Variants in ASXL1 observed in about 807,000 individuals in gnomAD.
ASXL1 encodes ASXL transcriptional regulator 1.
Under a neutral mutation model 89.1 loss-of-function variants are expected in ASXL1, and 65 were observed. The observed-to-expected ratio is 0.73, with a 90% CI of 0.60 to 0.90. The LOEUF is 0.90. Ranked by LOEUF, ASXL1 falls within the 40% of genes least tolerant of loss-of-function variation. The probability of loss-of-function intolerance (pLI) is 0.00; values close to 1 mark genes in which losing one functional copy is unlikely to be tolerated. For missense variants in ASXL1, 1,786 were observed against 1,942.9 expected (o/e 0.92, Z 1.52); for synonymous variants, 739 against 746.9 (o/e 0.99, Z 0.17).
In ASXL1 at chr20:32,434,447, A is replaced by C; in HGVS notation, c.1735A>C (p.Ile579Leu). 1 of 1,614,072 alleles carries C rather than the reference A, an allele frequency of 6.2e-7. No homozygotes were observed. Among genetic ancestry groups the C allele is most frequent in the Non-Finnish European group, 8.5e-7 (1 of 1,180,026 alleles). Reference protein sequence around the residue: ...VPPIRIQLSRIKPPWVVKGQP... With the variant: ...VPPIRIQLSRLKPPWVVKGQP... ...TTTTTTGCAGATTCAACTTTCACGTATCAAACCACCCTGGGTGGTTAAAGG... is the reference window on the plus strand; with the variant it reads ...TTTTTTGCAGATTCAACTTTCACGTCTCAAACCACCCTGGGTGGTTAAAGG... Residue 579 changes from isoleucine to leucine, a missense_variant, in exon 13 of 13, where the codon ATC becomes CTC. By Grantham distance (5) the Ile-to-Leu change is conservative. This residue lies in a region of ASXL1 where 1,418 missense variants were observed against 1,427.8 expected (regional missense o/e 0.99). Coordinates refer to ENST00000375687, the MANE Select transcript of ASXL1 (RefSeq NM_015338.6).
intron 6 of ASXL1, 140 bp downstream of exon 6, chr20:32,428,562 T>C: frequency 2.5e-6 from 2 of 805,272 alleles, no homozygotes; most frequent in Non-Finnish European, 4.2e-6. Context: ...TAGTAGCATT[T>C]AACAGGGGGC....
intron 4 of ASXL1, among the ~76,000 whole-genome samples, chr20:32,400,081 C>A (rs910300399): frequency 8.0e-6 from 1 of 124,524 alleles, no homozygotes; most frequent in Non-Finnish European, 1.7e-5. Context: ...CTTTTTTTAT[C>A]GTTAGAATTT....
chr20:32,368,915 TGCTTA>T lies in ASXL1; in HGVS notation c.144-95_144-91del, dbSNP rs1329567913. The T allele has an allele frequency of 4.3e-6, 4 of 931,460 alleles. No individual in the cohort carries two copies. In the African/African-American group the frequency reaches 6.6e-5, roughly 15 times the overall value. The allele number at this position is 931,460 out of a possible 1,614,324, so 57.7% of individuals were successfully genotyped here. A position where few individuals can be genotyped will look rare whatever the true frequency, so the allele number is the denominator to read the frequency against. On this transcript the variant is annotated intron_variant, in intron 3 of 12. Coordinates refer to ENST00000375687, the MANE Select transcript of ASXL1 (RefSeq NM_015338.6). ...ATGAGATTTTTTCTTCTGTATTTCTTGCTTAGCTTCTTCTCATTTAAGAATGAGTT... is the reference window on the plus strand; with the variant it reads ...ATGAGATTTTTTCTTCTGTATTTCTTGCTTCTTCTCATTTAAGAATGAGTT...
intron 3 of ASXL1, 128 bp from the exon 4 acceptor site, chr20:32,368,887 G>T (rs1248707638): frequency 1.2e-5 from 8 of 682,898 alleles, no homozygotes; most frequent in African/African-American, 3.6e-5. Flanking sequence ...CAGTGAAATT[G>T]TCATGAGATT....
chr20:32,360,416 C>T (rs2122766688), intron 1 of ASXL1: 1 of 153,568 alleles, frequency 6.5e-6, no homozygotes, highest in East Asian at 1.9e-4. Flanking sequence ...AACGGTTCTG[C>T]ACCTGGAAAC....
At chr20:32,407,594 G>A (rs2048977426) in intron 4 of ASXL1, among the ~76,000 whole-genome samples, 1 of 152,112 alleles carries the variant, frequency 6.6e-6, no homozygotes, top group African/African-American at 2.4e-5. Flanking sequence ...CTCTTGAGTA[G>A]CTGGGACTAC....
Position 32,437,615 on chromosome 20 carries a change from C to CG in ASXL1, c.*283dup. 7.6e-6 allele frequency: 2 copies of CG among 263,546 alleles called. No individual in the cohort carries two copies. Among genetic ancestry groups the CG allele is most frequent in the Non-Finnish European group, 7.3e-6 (1 of 136,634 alleles). 16.3% of individuals were successfully genotyped at this position (263,546 alleles called of 1,614,324 possible). A position where few individuals can be genotyped will look rare whatever the true frequency, so the allele number is the denominator to read the frequency against. On this transcript the variant is annotated 3_prime_UTR_variant, in exon 13 of 13. Transcript: ENST00000375687. ...CCTGATGTGGCACGGAGTGGGGTTG[C>CG]GGGGGGTGGGGGGACTGCCTGACTC...
chr20:32,424,956 C>T (rs1287823787), intron 4 of ASXL1, among the ~76,000 whole-genome samples: 1 of 152,170 alleles, frequency 6.6e-6, no homozygotes, highest in Non-Finnish European at 1.5e-5. Flanking sequence ...CCCACTGCCC[C>T]TTCCCAGTCA....
intron 4 of ASXL1, among the ~76,000 whole-genome samples, chr20:32,411,302 A>G (rs1374865620): frequency 8.0e-6 from 1 of 125,124 alleles, no homozygotes. Context: ...ATCTCGGCTC[A>G]CTGCAACCTC....
rs781178976 is a variant in ASXL1, at chr20:32,433,391, G to A, written c.1193G>A (p.Gly398Asp). 1.2e-6 allele frequency: 2 copies of A among 1,614,044 alleles called. No individual in the cohort carries two copies. The highest frequency in any genetic ancestry group is 1.3e-5 in the African/African-American group (1 of 74,902). Residue 398 changes from glycine to aspartate, a missense_variant, in exon 12 of 13, where the codon GGT becomes GAT. Transcript: ENST00000375687. Reference protein sequence around the residue: ...VPGESVRIQRGPATRQRDGHF... With the variant: ...VPGESVRIQRDPATRQRDGHF... The stretch of plus-strand genomic sequence containing the variant: ...GGAGAATCAGTGCGTATACAGCGTG[G>A]TCCAGCCACCCGACAGCGAGATGGG...
At chr20:32,392,593 C>CG (rs1392158355) in intron 4 of ASXL1, among the ~76,000 whole-genome samples, 1 of 149,546 alleles carries the variant, frequency 6.7e-6, no homozygotes, top group East Asian at 2.0e-4. Flanking sequence ...GAGGCTGAGG[C>CG]GGGTAGCCAC....
intron 4 of ASXL1, among the ~76,000 whole-genome samples, chr20:32,376,691 TA>T (rs2048383581): frequency 6.6e-6 from 1 of 151,748 alleles, no homozygotes; most frequent in South Asian, 2.1e-4. Flanking sequence ...AGGATAAGCT[TA>T]CGTGCAGAAT....
At chr20:32,370,965 T>TA (rs776902032) in intron 4 of ASXL1, among the ~76,000 whole-genome samples, 23,788 of 87,226 alleles carry the variant, frequency 0.27, 3,964 homozygotes, top group East Asian at 0.66. Context: ...TTGTCTCTAT[T>TA]AAAAAAAAAA....
intron 4 of ASXL1, among the ~76,000 whole-genome samples, chr20:32,423,332 C>T (rs1376781891): frequency 1.3e-5 from 2 of 151,622 alleles, no homozygotes; most frequent in African/African-American, 4.9e-5. Flanking sequence ...CAGGTTCAAG[C>T]GATTCTTGTG....
chr20:32,367,032 A>G (rs2048215848), intron 2 of ASXL1, among the ~76,000 whole-genome samples: 1 of 151,662 alleles, frequency 6.6e-6, no homozygotes, highest in East Asian at 1.9e-4. Flanking sequence ...CTTGAAAGCC[A>G]GGACTATCTT....
chr20:32,431,229 G>C, intron 8 of ASXL1, 92 bp from the exon 9 acceptor site: 1 of 1,489,336 alleles, frequency 6.7e-7, no homozygotes, highest in East Asian at 2.3e-5. Flanking sequence ...CTCCTGGGTA[G>C]CTTGGGTGCT....
chr20:32,435,576 G>T lies in ASXL1; in HGVS notation c.2864G>T (p.Ser955Ile), dbSNP rs752548239. 67 of 1,613,988 alleles carry T rather than the reference G, an allele frequency of 4.2e-5. No homozygotes were observed. The highest frequency in any genetic ancestry group is 1.7e-5 in the Non-Finnish European group (20 of 1,180,050). ...GAGGAGGGTCTAGATCCTCTTGACA[G>T]CCTTACTTCACTCTGGACTGTGCCA... is the stretch of plus-strand genomic sequence containing the variant. ...TAEEGLDPLD[S>I]LTSLWTVPSR... The change falls in exon 13 of 13, where the codon AGC becomes ATC. Residue 955 changes from serine to isoleucine, a missense_variant. By Grantham distance (142) the Ser-to-Ile change is moderately radical (BLOSUM62 -2). This residue lies in a region of ASXL1 where 1,418 missense variants were observed against 1,427.8 expected (regional missense o/e 0.99). Coordinates refer to ENST00000375687, the MANE Select transcript of ASXL1 (RefSeq NM_015338.6).
chr20:32,437,535 A>G lies in ASXL1; in HGVS notation c.*197A>G. 1.2e-6 allele frequency: 1 copy of G among 848,156 alleles called. No individual in the cohort carries two copies. 52.5% of individuals were successfully genotyped at this position (848,156 alleles called of 1,614,324 possible). A position where few individuals can be genotyped will look rare whatever the true frequency, so the allele number is the denominator to read the frequency against. On this transcript the variant is annotated 3_prime_UTR_variant, in exon 13 of 13. Coordinates refer to ENST00000375687, the MANE Select transcript of ASXL1 (RefSeq NM_015338.6). ...GTCTTGCTGGAGGGGTTTCCTGGGT[A>G]TAACCCATTGGGCTGCCCAAGGCCA...
chr20:32,423,401 T>TGTGTGTG (rs1555909883), intron 4 of ASXL1, among the ~76,000 whole-genome samples: 1 of 150,982 alleles, frequency 6.6e-6, no homozygotes, highest in Non-Finnish European at 1.5e-5. Context: ...AGCTAATTTT[T>TGTGTGTG]TGTGTGTGTG....
Sources: allele counts gnomAD v4.1 joint callset (sites outside exome capture counted in the v4.1 genomes callset), GRCh38; gene constraint gnomAD v4.1.1; regional missense constraint gnomAD v4.1.1; transcripts MANE v1.5; gene names NCBI Gene and HGNC (gene_info 2026-07-23, HGNC 2026-07-21).